Variants in ANO2 observed in about 807,000 individuals in gnomAD.
ANO2 encodes anoctamin-2.
In ANO2, 101 loss-of-function variants were observed where a neutral mutation model predicts 124.2. That is an observed-to-expected ratio of 0.81 (90% confidence interval 0.69 to 0.96). The LOEUF is 0.96. Among genes scored for constraint, ANO2 ranks in the 40% least tolerant of loss-of-function variants. ANO2 has a pLI of 0.00. For missense variants in ANO2, 1,293 were observed against 1,274.5 expected (o/e 1.01, Z -0.22); for synonymous variants, 486 against 482.5 (o/e 1.01, Z -0.09).
chr12:5,690,940 T>C (rs139224245), intron 14 of ANO2, among the ~76,000 whole-genome samples: 162 of 152,346 alleles, frequency 1.1e-3, no homozygotes, highest in African/African-American at 3.4e-3. Flanking sequence ...TGCTATGCAC[T>C]GACACATATA....
In ANO2 at chr12:5,833,726, G is replaced by A. The variant is rs576652869; in HGVS notation, c.634-1123C>T. On this transcript the variant is annotated intron_variant, in intron 4 of 24. Coordinates refer to ENST00000682330, the MANE Select transcript of ANO2 (RefSeq NM_001364791.2). Reference sequence around the variant, plus strand: ...GAACCCTATTGTGAACTGCACATGTGAGGGATCTAGGTTGCGTGTTATTTA... The same window carrying A: ...GAACCCTATTGTGAACTGCACATGTAAGGGATCTAGGTTGCGTGTTATTTA... Among the ~76,000 whole-genome samples, 17 of 151,428 alleles carry A rather than the reference G, an allele frequency of 1.1e-4. 1 individual carries two copies. The South Asian group carries it at 3.6e-3, about 32-fold the overall frequency.
chr12:5,827,601 G>T (rs1954003402), intron 7 of ANO2, 168 bp downstream of exon 7: 2 of 769,226 alleles, frequency 2.6e-6, no homozygotes, highest in Non-Finnish European at 2.2e-6. Flanking sequence ...TGGGACCCCC[G>T]CTGCTCCTGG....
intron 20 of ANO2, 81 bp from the exon 21 acceptor site, chr12:5,578,599 G>T: frequency 7.0e-7 from 1 of 1,427,698 alleles, no homozygotes; most frequent in Non-Finnish European, 9.4e-7. Context: ...ACAGCCCCTT[G>T]TCCTTTCTGC....
At chr12:5,934,321 T>G (rs955402868) in intron 1 of ANO2, among the ~76,000 whole-genome samples, 4 of 152,212 alleles carry the variant, frequency 2.6e-5, no homozygotes, top group African/African-American at 9.6e-5. Context: ...CCAACATTAC[T>G]TGGTAAATCC....
intron 3 of ANO2, among the ~76,000 whole-genome samples, chr12:5,911,191 T>C (rs1008638350): frequency 6.6e-6 from 1 of 152,172 alleles, no homozygotes; most frequent in East Asian, 1.9e-4. Context: ...GCAGGGGCCA[T>C]GTCTTATTCA....
intron 1 of ANO2, among the ~76,000 whole-genome samples, chr12:5,935,816 G>T (rs1420095804): frequency 6.6e-6 from 1 of 152,206 alleles, no homozygotes; most frequent in Non-Finnish European, 1.5e-5. Context: ...CACCTCCACA[G>T]ATTTGGACTT....
intron 14 of ANO2, among the ~76,000 whole-genome samples, chr12:5,668,023 T>C (rs1465515437): frequency 2.6e-5 from 4 of 152,222 alleles, no homozygotes; most frequent in Non-Finnish European, 5.9e-5. Flanking sequence ...TACATGTGCA[T>C]GTATCTTTGT....
Position 5,787,340 on chromosome 12 carries a change from T to C in ANO2, c.1055+12167A>G, listed in dbSNP as rs1268187743. Among the ~76,000 whole-genome samples, 1 of 151,940 alleles carries C rather than the reference T, an allele frequency of 6.6e-6. No homozygotes were observed. The highest frequency in any genetic ancestry group is 1.5e-5 in the Non-Finnish European group (1 of 67,986). On this transcript the variant is annotated intron_variant, in intron 10 of 24. Coordinates refer to ENST00000682330, the MANE Select transcript of ANO2 (RefSeq NM_001364791.2). The surrounding 1 kb of genome is among the most constrained non-coding windows in gnomAD (Gnocchi z 4.2). ...CCTTTCCTTAGGGTACGGTCCAAAA[T>C]CCCTAACCAGCCCAAAAGCTCCTCC...
chr12:5,688,615 T>G (rs190256452), intron 14 of ANO2, among the ~76,000 whole-genome samples: 1 of 152,296 alleles, frequency 6.6e-6, no homozygotes, highest in Non-Finnish European at 1.5e-5. Context: ...AAATCTCAAT[T>G]AGGCATGCTG....
chr12:5,663,656 C>A (rs1036018246), intron 14 of ANO2, among the ~76,000 whole-genome samples: 6 of 152,146 alleles, frequency 3.9e-5, no homozygotes, highest in Non-Finnish European at 7.4e-5. Flanking sequence ...ATGGCAGGAA[C>A]CTCTGCACTG....
chr12:5,691,891 G>A (rs1207029311), intron 14 of ANO2, among the ~76,000 whole-genome samples: 6 of 151,838 alleles, frequency 4.0e-5, no homozygotes, highest in South Asian at 2.1e-4. Flanking sequence ...GTGACAGAGC[G>A]AGACTATCTT....
At position 5,908,249 on chromosome 12, in the gene ANO2, A is replaced by G. The variant is rs1032333886; in HGVS notation, c.534+12791T>C. Among the ~76,000 whole-genome samples, 1 of 152,246 alleles carries G rather than the reference A, an allele frequency of 6.6e-6. No homozygotes were observed. The highest frequency in any genetic ancestry group is 1.5e-5 in the Non-Finnish European group (1 of 68,038). ...CACAGGTCCTCTCTGAGGCCTGAGA[A>G]GCCTTCACCCTCCAACGGCCTGTGG... On this transcript the variant is annotated intron_variant, in intron 3 of 24. Coordinates refer to ENST00000682330, the MANE Select transcript of ANO2 (RefSeq NM_001364791.2). The surrounding 1 kb of genome is among the most constrained non-coding windows in gnomAD (Gnocchi z 4.7).
chr12:5,568,475 G>A (rs1270408864), intron 23 of ANO2, among the ~76,000 whole-genome samples: 1 of 152,150 alleles, frequency 6.6e-6, no homozygotes, highest in Non-Finnish European at 1.5e-5. Flanking sequence ...ATGACTCATA[G>A]TTTGAAAAAC....
At chr12:5,821,397 C>T (rs749582202) in intron 7 of ANO2, among the ~76,000 whole-genome samples, 16 of 152,160 alleles carry the variant, frequency 1.1e-4, no homozygotes, top group Non-Finnish European at 1.5e-4. Flanking sequence ...TGTGTTACTC[C>T]GGCCCGTTTA....
intron 20 of ANO2, among the ~76,000 whole-genome samples, chr12:5,587,112 G>A (rs1943154823): frequency 6.6e-6 from 1 of 152,024 alleles, no homozygotes; most frequent in South Asian, 2.1e-4. Context: ...CTCACTACAG[G>A]ATCACTTCTT....
chr12:5,830,617 C>T (rs183009140), intron 5 of ANO2, 128 bp from the exon 6 acceptor site: 12 of 636,336 alleles, frequency 1.9e-5, no homozygotes, highest in African/African-American at 9.2e-5. Flanking sequence ...CACACACACA[C>T]GATGTTTATG....
Position 5,730,378 on chromosome 12 carries a change from G to A in ANO2, c.1545+2142C>T, listed in dbSNP as rs150096730. 2.2e-3 allele frequency among the ~76,000 whole-genome samples: 335 copies of A among 152,326 alleles called. 4 individuals are homozygous for A. Among genetic ancestry groups the A allele is most frequent in the Non-Finnish European group, 3.4e-3 (231 of 68,030 alleles). On this transcript the variant is annotated intron_variant, in intron 14 of 24. Transcript: ENST00000682330. ...TACCAGCTTCCCCACAACCAGCTAC[G>A]TGGTCTTAAGCAAATTCGCGCACCA...
At position 5,769,397 on chromosome 12, in the gene ANO2, C is replaced by A. The variant is rs1337728009; in HGVS notation, c.1056-18427G>T. 6.6e-6 allele frequency among the ~76,000 whole-genome samples: 1 copy of A among 152,064 alleles called. No homozygotes were observed. Among genetic ancestry groups the A allele is most frequent in the Non-Finnish European group, 1.5e-5 (1 of 68,028 alleles). On this transcript the variant is annotated intron_variant, in intron 10 of 24. Coordinates refer to ENST00000682330, the MANE Select transcript of ANO2 (RefSeq NM_001364791.2). This position sits in a 1 kb window ranked among gnomAD's most constrained non-coding sequence, Gnocchi z 4.0. ...AAGACCAAGAAAGAGAGCCAGGGGC[C>A]AGACGAGCAAACACTGAGTTCAGGA...
At chr12:5,674,651 T>C (rs1948153599) in intron 14 of ANO2, among the ~76,000 whole-genome samples, 1 of 152,190 alleles carries the variant, frequency 6.6e-6, no homozygotes, top group Admixed American at 6.5e-5. Context: ...CAGGTGTCAG[T>C]TCCAGCCACT....
Sources: gnomAD v4.1 joint callset for allele counts (sites outside exome capture counted in the v4.1 genomes callset) on GRCh38, gnomAD v4.1.1 for gene constraint, Gnocchi (gnomAD v3.1) non-coding constraint, MANE v1.5 for transcripts, NCBI Gene and HGNC (gene_info 2026-07-23, HGNC 2026-07-21) for gene names.